ZNF519: variants seen among roughly 807,000 people sequenced by gnomAD.
ZNF519 encodes the protein similar to Zinc finger protein 85 (Zinc finger protein HPF4) (HTF1).
Under a neutral mutation model 7.4 loss-of-function variants are expected in ZNF519, and 7 were observed. That is an observed-to-expected ratio of 0.94 (90% CI 0.54 to 1.77). The LOEUF (loss-of-function observed/expected upper bound fraction) is 1.77, where lower values mean the gene tolerates loss of function less well. ZNF519 is among the 40% of genes most tolerant of loss of function. The pLI is 0.00. For missense variants in ZNF519, 586 were observed against 623.1 expected (o/e 0.94, Z 0.63); for synonymous variants, 179 against 203.3 (o/e 0.88, Z 1.02).
intron 3 of ZNF519, chr18:14,080,222 C>T (rs375540057): frequency 6.6e-6 from 1 of 151,162 alleles, no homozygotes; most frequent in South Asian, 2.1e-4. Flanking sequence ...ACTGACAACA[C>T]CAAATGCTGG....
At chr18:14,086,988 C>A (rs990159416) in intron 2 of ZNF519, among the ~76,000 whole-genome samples, 1 of 151,976 alleles carries the variant, frequency 6.6e-6, no homozygotes. Context: ...CAAAAATCCT[C>A]ACAAAATACT....
chr18:14,085,776 C>T (rs1402072356), intron 2 of ZNF519, among the ~76,000 whole-genome samples: 2 of 152,100 alleles, frequency 1.3e-5, no homozygotes, highest in Admixed American at 6.5e-5. Flanking sequence ...CCAGGGAGAA[C>T]CCCACAGCCA....
chr18:14,126,969 G>T (rs913692364), intron 1 of ZNF519, among the ~76,000 whole-genome samples: 18 of 152,134 alleles, frequency 1.2e-4, no homozygotes, highest in Non-Finnish European at 2.2e-4. Flanking sequence ...TTTGTGGGGT[G>T]CAAATATTAT....
At chr18:14,095,994 G>A (rs1222695212), downstream of ZNF519, among the ~76,000 whole-genome samples, 1 of 152,244 alleles carries the variant, frequency 6.6e-6, no homozygotes, top group East Asian at 1.9e-4. Context: ...AAGGCTAGCA[G>A]TGGTGTGAGC....
chr18:14,123,586 G>A (rs1004161153), intron 2 of ZNF519, among the ~76,000 whole-genome samples: 5 of 152,118 alleles, frequency 3.3e-5, no homozygotes, highest in African/African-American at 1.2e-4. Context: ...AGGCGTGGTG[G>A]TGCATGTCTG....
chr18:14,122,791 T>C (rs2046276139), intron 2 of ZNF519, among the ~76,000 whole-genome samples: 3 of 152,128 alleles, frequency 2.0e-5, no homozygotes, highest in South Asian at 4.1e-4. Flanking sequence ...GATTTTTTTT[T>C]TATTATACTT....
intron 2 of ZNF519, among the ~76,000 whole-genome samples, chr18:14,087,124 C>T (rs983821761): frequency 6.6e-6 from 1 of 151,960 alleles, no homozygotes; most frequent in Non-Finnish European, 1.5e-5. Flanking sequence ...ATTAATGGAA[C>T]GAAGGACAAA....
At chr18:14,088,455 GATTTGTTCAT>G (rs1242576939) in intron 2 of ZNF519, among the ~76,000 whole-genome samples, 6 of 152,066 alleles carry the variant, frequency 3.9e-5, no homozygotes, top group African/African-American at 2.4e-5. Flanking sequence ...AAGAAAATGT[GATTTGTTCAT>G]ATTTTATTGT....
intron 2 of ZNF519, among the ~76,000 whole-genome samples, chr18:14,122,861 T>C (rs1447784169): frequency 1.3e-5 from 2 of 152,036 alleles, no homozygotes; most frequent in South Asian, 2.1e-4. Flanking sequence ...ACATGTGCCA[T>C]GTTGGTGTGC....
chr18:14,129,903 T>C (rs1210616962), intron 1 of ZNF519, among the ~76,000 whole-genome samples: 1 of 152,184 alleles, frequency 6.6e-6, no homozygotes, highest in African/African-American at 2.4e-5. Flanking sequence ...TACCAGTTTA[T>C]TATTGAAGAT....
chr18:14,125,137 A>G (rs538447689), intron 1 of ZNF519, among the ~76,000 whole-genome samples: 17 of 152,330 alleles, frequency 1.1e-4, no homozygotes, highest in African/African-American at 4.1e-4. Context: ...AAGCAGGCAC[A>G]CACAGAATCC....
chr18:14,105,294 C>G lies in ZNF519; in HGVS notation c.1246G>C (p.Ala416Pro), dbSNP rs757246586. The G allele has an allele frequency of 1.2e-6, 2 of 1,612,068 alleles. No homozygotes were observed. Among genetic ancestry groups the G allele is most frequent in the South Asian group, 1.1e-5 (1 of 90,930 alleles). The change falls in exon 3 of 3, where the codon GCT becomes CCT. Residue 416 changes from alanine to proline, a missense_variant. By Grantham distance (27) the Ala-to-Pro change is conservative. Coordinates refer to ENST00000590202, the MANE Select transcript of ZNF519 (RefSeq NM_145287.4). ...CTCTGATGTTGAGTAAGGTGTGAAGCTCTGTTAAAAGCTTTGCCACATTCC... is the reference window on the plus strand; with the variant it reads ...CTCTGATGTTGAGTAAGGTGTGAAGGTCTGTTAAAAGCTTTGCCACATTCC... ...CKECGKAFNR[A>P]SHLTQHQRIH...
At chr18:14,073,997 C>T (rs906242002), downstream of ZNF519, 6 of 152,202 alleles carry the variant, frequency 3.9e-5, no homozygotes, top group African/African-American at 1.4e-4. Flanking sequence ...GAAGATTTTT[C>T]ACTTTCATCT....
chr18:14,110,387 A>G (rs1370866957), intron 2 of ZNF519, among the ~76,000 whole-genome samples: 2 of 152,208 alleles, frequency 1.3e-5, no homozygotes, highest in African/African-American at 4.8e-5. Flanking sequence ...CAGCAAAAGA[A>G]ATAATCAGCA....
chr18:14,112,430 T>G (rs566251150), intron 2 of ZNF519, among the ~76,000 whole-genome samples: 144 of 152,296 alleles, frequency 9.5e-4, no homozygotes, highest in Non-Finnish European at 1.8e-3. Flanking sequence ...TCACCACTGT[T>G]ATTTCAACAT....
intron 2 of ZNF519, among the ~76,000 whole-genome samples, chr18:14,111,934 C>T (rs9948247): frequency 0.069 from 10,448 of 152,178 alleles, 697 homozygotes; most frequent in African/African-American, 0.16. Context: ...GCAAGCATTA[C>T]TCTCATACTA....
At chr18:14,129,426 G>A (rs1176066029) in intron 1 of ZNF519, among the ~76,000 whole-genome samples, 2 of 152,132 alleles carry the variant, frequency 1.3e-5, no homozygotes, top group East Asian at 1.9e-4. Context: ...CAGGGTCAGG[G>A]GAGGGAATAG....
At chr18:14,107,930 A>C (rs1300471825) in intron 2 of ZNF519, among the ~76,000 whole-genome samples, 1 of 151,604 alleles carries the variant, frequency 6.6e-6, no homozygotes, top group Non-Finnish European at 1.5e-5. Flanking sequence ...AACGAAGTAG[A>C]CTCCTAAGGT....
At chr18:14,110,708 G>C (rs879738854) in intron 2 of ZNF519, among the ~76,000 whole-genome samples, 4 of 152,198 alleles carry the variant, frequency 2.6e-5, no homozygotes, top group Non-Finnish European at 5.9e-5. Context: ...TGGTTGTGGT[G>C]AAATGGGAAC....
Sources: allele counts gnomAD v4.1 joint callset (sites outside exome capture counted in the v4.1 genomes callset), GRCh38; gene constraint gnomAD v4.1.1; transcripts MANE v1.5; gene names NCBI Gene and HGNC (gene_info 2026-07-23, HGNC 2026-07-21).